Variants in REEP5 observed in about 807,000 individuals in gnomAD.
REEP5 encodes receptor accessory protein 5.
In REEP5, 24 loss-of-function variants were observed where a neutral mutation model predicts 22.4. The ratio of observed to expected loss-of-function variants is 1.07; its 90% confidence interval spans 0.78 to 1.51. REEP5 has a LOEUF of 1.51. REEP5 is among the 40% of genes most tolerant of loss of function. The pLI is 0.00. For missense variants in REEP5, 252 were observed against 233.0 expected, an observed-to-expected ratio of 1.08 and a Z score of -0.53; for synonymous variants, 103 against 88.6, an observed-to-expected ratio of 1.16 and a Z score of -0.92.
chr5:112,909,324 CT>C (rs1473477985), intron 2 of REEP5, among the ~76,000 whole-genome samples: 1 of 150,726 alleles, frequency 6.6e-6, no homozygotes, highest in Admixed American at 6.7e-5. Context: ...TAAATACTCC[CT>C]TAACAGGTAT....
intron 2 of REEP5, among the ~76,000 whole-genome samples, chr5:112,911,223 G>A (rs17311019): frequency 0.011 from 1,660 of 152,330 alleles, 23 homozygotes; most frequent in Non-Finnish European, 0.013. Flanking sequence ...CGCTGGAAAA[G>A]AGCATGGATT....
chr5:112,889,508 A>T (rs1050747134), intron 3 of REEP5, among the ~76,000 whole-genome samples: 1 of 150,888 alleles, frequency 6.6e-6, no homozygotes, highest in Non-Finnish European at 1.5e-5. Flanking sequence ...ACTTGTATAT[A>T]CCTTTGAAAT....
intron 3 of REEP5, chr5:112,897,204 A>T (rs2150042469): frequency 6.6e-6 from 1 of 152,330 alleles, no homozygotes; most frequent in South Asian, 2.1e-4. Context: ...ACAGCAATAC[A>T]TACATATATA....
At chr5:112,889,456 T>A (rs572953454) in intron 3 of REEP5, among the ~76,000 whole-genome samples, 21 of 150,948 alleles carry the variant, frequency 1.4e-4, no homozygotes, top group East Asian at 2.0e-4. Context: ...AATAGGATGA[T>A]AAAGAAGGAA....
intron 2 of REEP5, among the ~76,000 whole-genome samples, chr5:112,909,810 G>C (rs928455550): frequency 6.6e-6 from 1 of 152,182 alleles, no homozygotes; most frequent in Admixed American, 6.5e-5. Flanking sequence ...AAGAACCAAG[G>C]ATGGCCAAAG....
At chr5:112,881,386 A>G (rs1768070804) in intron 4 of REEP5, among the ~76,000 whole-genome samples, 1 of 152,148 alleles carries the variant, frequency 6.6e-6, no homozygotes, top group Non-Finnish European at 1.5e-5. Flanking sequence ...ACTACCACAG[A>G]GCTCTAAAAC....
At chr5:112,920,897 G>C (rs758455041) in intron 2 of REEP5, among the ~76,000 whole-genome samples, 14 of 152,198 alleles carry the variant, frequency 9.2e-5, no homozygotes, top group African/African-American at 1.4e-4. Context: ...GAGTGGTAGC[G>C]CTTTCCTGTT....
In REEP5 at chr5:112,878,778, A is replaced by T; in HGVS notation, c.*8T>A. The T allele has an allele frequency of 6.2e-7, 1 of 1,614,142 alleles. No homozygotes were observed. Among genetic ancestry groups the T allele is most frequent in the South Asian group, 1.1e-5 (1 of 91,078 alleles). ...CAGAGAGGGCAGGAAGTTTCCATCC[A>T]GTCTGGTTTAGGTGCTCTTCTTTTC... On this transcript the variant is annotated 3_prime_UTR_variant, in exon 5 of 5. Transcript: ENST00000379638.
Position 112,921,162 on chromosome 5 carries a change from C to G in REEP5, c.212+1G>C. ...GGACGGCTGCAGGGTGTGTCACTTA[C>G]GAGATGTAGGCTGGGTAGCCAAATC... is the stretch of plus-strand genomic sequence containing the variant. On this transcript the variant is annotated splice_donor_variant, in intron 2 of 4. Transcript: ENST00000379638. LOFTEE classifies it high-confidence loss of function. The G allele has an allele frequency of 1.2e-6, 2 of 1,613,990 alleles. No homozygotes were observed. Among genetic ancestry groups the G allele is most frequent in the Non-Finnish European group, 8.5e-7 (1 of 1,179,920 alleles).
At chr5:112,892,997 A>T in intron 3 of REEP5, 1 of 1,578,382 alleles carries the variant, frequency 6.3e-7, no homozygotes, top group African/African-American at 1.4e-5. Context: ...AGCCGGAGCC[A>T]AAGTTCCTCT....
intron 3 of REEP5, chr5:112,892,621 G>A (rs754899385): frequency 6.2e-7 from 1 of 1,614,072 alleles, no homozygotes; most frequent in Admixed American, 1.7e-5. Context: ...ATGTCCAAGA[G>A]GAAAACACTG....
rs1319261734 is a variant in REEP5, at chr5:112,911,199, T to TTATA, written c.213-8685_213-8682dup. 2.6e-5 allele frequency among the ~76,000 whole-genome samples: 4 copies of TTATA among 152,316 alleles called. No individual in the cohort carries two copies. In the South Asian group the frequency reaches 8.3e-4, roughly 32 times the overall value. On this transcript the variant is annotated intron_variant, in intron 2 of 4. Coordinates refer to ENST00000379638, the MANE Select transcript of REEP5 (RefSeq NM_005669.5). ...AGGAAACAGGCGTGGGCGAGGAAGA[T>TTATA]TATACTCCAAAGTCGCTGGAAAAGA...
chr5:112,878,519 G>A lies in REEP5; in HGVS notation c.*267C>T, dbSNP rs1767965217. On this transcript the variant is annotated 3_prime_UTR_variant, in exon 5 of 5. Coordinates refer to ENST00000379638, the MANE Select transcript of REEP5 (RefSeq NM_005669.5). ...TTATTTTAAGTTTATATTTCCTGCA[G>A]GATAGCAACATACATCTTTTCCTAC... 1 of 462,264 alleles carries A rather than the reference G, an allele frequency of 2.2e-6. No homozygotes were observed. The highest frequency in any genetic ancestry group is 3.8e-6 in the Non-Finnish European group (1 of 263,568). 28.6% of individuals were successfully genotyped at this position (462,264 alleles called of 1,614,324 possible). A position where few individuals can be genotyped will look rare whatever the true frequency, so the allele number is the denominator to read the frequency against.
chr5:112,892,712 C>G lies in REEP5; in HGVS notation c.352-5529G>C, dbSNP rs759009328. 1.9e-6 allele frequency: 3 copies of G among 1,613,980 alleles called. No individual in the cohort carries two copies. The Admixed American group carries it at 5.0e-5, about 27-fold the overall frequency. On this transcript the variant is annotated intron_variant, in intron 3 of 4. Coordinates refer to ENST00000379638, the MANE Select transcript of REEP5 (RefSeq NM_005669.5). ...GACATCTACTTGTCTTCAGATCAGA[C>G]TGGCTCCTCCTTTGGCAAGAACTCC...
intron 2 of REEP5, among the ~76,000 whole-genome samples, chr5:112,907,822 G>C (rs1700366851): frequency 6.6e-6 from 1 of 152,026 alleles, no homozygotes; most frequent in Non-Finnish European, 1.5e-5. Context: ...CTTTAAAAAG[G>C]GTATTGACAG....
At chr5:112,908,289 G>A (rs1269184710) in intron 2 of REEP5, among the ~76,000 whole-genome samples, 1 of 151,784 alleles carries the variant, frequency 6.6e-6, no homozygotes, top group East Asian at 1.9e-4. Flanking sequence ...TTTTAGTAGA[G>A]ACAGGGTTTC....
At chr5:112,883,121 A>C (rs933399169) in intron 4 of REEP5, among the ~76,000 whole-genome samples, 2 of 152,034 alleles carry the variant, frequency 1.3e-5, no homozygotes, top group Non-Finnish European at 2.9e-5. Flanking sequence ...TGTTTCTCCT[A>C]CCTTAAGAAA....
chr5:112,878,459 C>T lies in REEP5; in HGVS notation c.*327G>A, dbSNP rs1767963615. On this transcript the variant is annotated 3_prime_UTR_variant, in exon 5 of 5. Coordinates refer to ENST00000379638, the MANE Select transcript of REEP5 (RefSeq NM_005669.5). ...ACAGAGAAAATGCGTGCAGGGAGAG[C>T]CCAGTAAAGTACACAGCCTGTGGGG... 4 of 276,864 alleles carry T rather than the reference C, an allele frequency of 1.4e-5. No individual in the cohort carries two copies. Among genetic ancestry groups the T allele is most frequent in the South Asian group, 2.1e-4 (2 of 9,734 alleles). The allele number at this position is 276,864 out of a possible 1,614,324, so 17.2% of individuals were successfully genotyped here.
chr5:112,908,136 T>C (rs1580750844), intron 2 of REEP5, among the ~76,000 whole-genome samples: 2 of 147,362 alleles, frequency 1.4e-5, no homozygotes, highest in Non-Finnish European at 3.0e-5. Context: ...GTCTTGCTCT[T>C]GTGGCCCAGG....
Sources: gnomAD v4.1 joint callset for allele counts (sites outside exome capture counted in the v4.1 genomes callset) on GRCh38, gnomAD v4.1.1 for gene constraint, MANE v1.5 for transcripts, NCBI Gene and HGNC (gene_info 2026-07-23, HGNC 2026-07-21) for gene names.